GUCY1A1: variants seen among roughly 807,000 people sequenced by gnomAD.
GUCY1A1 encodes guanylate cyclase soluble subunit alpha-1.
Under a neutral mutation model 64.5 loss-of-function variants are expected in GUCY1A1, and 48 were observed. The observed-to-expected ratio is 0.74, with a 90% CI of 0.59 to 0.95. GUCY1A1 has a LOEUF of 0.95. GUCY1A1 is among the 40% of genes least tolerant of loss of function. The probability of loss-of-function intolerance (pLI) is 0.00; values close to 1 mark genes in which losing one functional copy is unlikely to be tolerated. For synonymous variants in GUCY1A1, 308 were observed against 303.4 expected (o/e 1.02, Z -0.16); for missense variants, 804 against 825.3 (o/e 0.97, Z 0.32).
In GUCY1A1 at chr4:155,711,036, A is replaced by C; in HGVS notation, c.871A>C (p.Met291Leu). 1 of 1,614,008 alleles carries C rather than the reference A, an allele frequency of 6.2e-7. No homozygotes were observed. Among genetic ancestry groups the C allele is most frequent in the East Asian group, 2.2e-5 (1 of 44,872 alleles). The stretch of plus-strand genomic sequence containing the variant: ...CTGCAAGACATTTCCATTCCATTTC[A>C]TGTTTGACAAAGATATGACAATTCT... ...LFCKTFPFHFMFDKDMTILQF... is the reference protein window; with the variant it reads ...LFCKTFPFHFLFDKDMTILQF... Residue 291 changes from methionine (M) to leucine (L), a missense_variant, in exon 6 of 10, where the codon ATG (methionine) becomes CTG (leucine). Physicochemically the swap from Met to Leu is conservative, Grantham distance 15 (BLOSUM62 2). Coordinates refer to ENST00000506455, the MANE Select transcript of GUCY1A1 (RefSeq NM_001130682.3).
At chr4:155,695,446 T>C (rs1730289990) in intron 2 of GUCY1A1, among the ~76,000 whole-genome samples, 1 of 152,250 alleles carries the variant, frequency 6.6e-6, no homozygotes. Flanking sequence ...CAGGAAATTA[T>C]GTTCCTCACT....
chr4:155,734,141 A>G lies in GUCY1A1; in HGVS notation c.*3910A>G, dbSNP rs2110845049. On this transcript the variant is annotated 3_prime_UTR_variant, in exon 10 of 10. Coordinates refer to ENST00000506455, the MANE Select transcript of GUCY1A1 (RefSeq NM_001130682.3). ...CTCAGGTTAGGTTAAAAGAAGGCAT[A>G]GGATGGAAGAGGGTGGTCTGTGGTA... Among the ~76,000 whole-genome samples, 1 of 152,082 alleles carries G rather than the reference A, an allele frequency of 6.6e-6. No individual in the cohort carries two copies. The highest frequency in any genetic ancestry group is 1.9e-4 in the East Asian group (1 of 5,150).
rs758409985 is a variant in GUCY1A1 at position 155,710,895 on chromosome 4, T to G, written c.730T>G (p.Cys244Gly). 5.0e-6 allele frequency: 8 copies of G among 1,613,728 alleles called. No homozygotes were observed. The highest frequency in any genetic ancestry group is 1.7e-5 in the Admixed American group (1 of 60,000). The change falls in exon 6 of 10, where the codon TGC becomes GGC. Residue 244 changes from cysteine (C) to glycine (G), a missense_variant. By Grantham distance (159) the Cys-to-Gly change is radical. Transcript: ENST00000506455. ...SLMPPCFHND[C>G]SEFVNQPYLL... ...AATGCCTCCCTGCTTCCATAATGATTGCAGCGAGTTTGTGAATCAGCCCTA... is the reference window on the plus strand; with the variant it reads ...AATGCCTCCCTGCTTCCATAATGATGGCAGCGAGTTTGTGAATCAGCCCTA...
intron 2 of GUCY1A1, among the ~76,000 whole-genome samples, chr4:155,669,346 G>C (rs914088688): frequency 6.6e-6 from 1 of 151,822 alleles, no homozygotes; most frequent in Non-Finnish European, 1.5e-5. Context: ...AAAATATAAA[G>C]TACTTATGCT....
intron 2 of GUCY1A1, among the ~76,000 whole-genome samples, chr4:155,676,305 T>TTG (rs1734931957): frequency 1.3e-5 from 2 of 150,290 alleles, no homozygotes; most frequent in African/African-American, 5.0e-5. Flanking sequence ...AGCTGGTTTT[T>TTG]TTTTTTTTTT....
intron 2 of GUCY1A1, among the ~76,000 whole-genome samples, chr4:155,680,574 C>T (rs1735591349): frequency 2.0e-5 from 3 of 151,998 alleles, no homozygotes; most frequent in Admixed American, 2.0e-4. Flanking sequence ...GTTTTGACTC[C>T]TCAAAAACTT....
At chr4:155,689,701 C>A (rs1423748840) in intron 2 of GUCY1A1, among the ~76,000 whole-genome samples, 3 of 152,198 alleles carry the variant, frequency 2.0e-5, no homozygotes, top group African/African-American at 7.2e-5. Context: ...TTGCACTCAT[C>A]TTATTTTAAA....
At chr4:155,719,625 A>G (rs1042703009) in intron 8 of GUCY1A1, among the ~76,000 whole-genome samples, 2 of 152,172 alleles carry the variant, frequency 1.3e-5, no homozygotes, top group Admixed American at 1.3e-4. Flanking sequence ...AGCACGTCAC[A>G]TGTGCAAATC....
Position 155,683,224 on chromosome 4 carries a change from A to G in GUCY1A1, c.-112-13532A>G, listed in dbSNP as rs183338365. Among the ~76,000 whole-genome samples, 202 of 152,352 alleles carry G rather than the reference A, an allele frequency of 1.3e-3. 1 individual carries two copies. Among genetic ancestry groups the G allele is most frequent in the African/African-American group, 4.6e-3 (193 of 41,590 alleles). On this transcript the variant is annotated intron_variant, in intron 2 of 9. Coordinates refer to ENST00000506455, the MANE Select transcript of GUCY1A1 (RefSeq NM_001130682.3). ...CACTTTTTCTGAAAAAAGTTGAAAA[A>G]CAACACTAATAATAAGTAAAATAGA...
chr4:155,680,983 G>C (rs971001239), intron 2 of GUCY1A1, among the ~76,000 whole-genome samples: 1 of 151,056 alleles, frequency 6.6e-6, no homozygotes, highest in Non-Finnish European at 1.5e-5. Flanking sequence ...ACACACACAC[G>C]TGCACATAAA....
chr4:155,693,961 C>A (rs1167175489), intron 2 of GUCY1A1, among the ~76,000 whole-genome samples: 6 of 152,182 alleles, frequency 3.9e-5, no homozygotes, highest in Admixed American at 1.3e-4. Context: ...CTTCTAAGTC[C>A]AATACTAAAA....
chr4:155,729,133 T>A (rs2110751022), intron 9 of GUCY1A1, among the ~76,000 whole-genome samples: 1 of 151,920 alleles, frequency 6.6e-6, no homozygotes, highest in Middle Eastern at 3.4e-3. Flanking sequence ...AATGTAGACA[T>A]GACATTACAG....
chr4:155,676,120 C>G (rs1004454766), intron 2 of GUCY1A1, among the ~76,000 whole-genome samples: 4 of 149,352 alleles, frequency 2.7e-5, no homozygotes, highest in Admixed American at 1.3e-4. Flanking sequence ...TGCCTTCAAT[C>G]AAGAGCATGA....
At chr4:155,690,817 G>T (rs1464489732) in intron 2 of GUCY1A1, among the ~76,000 whole-genome samples, 2 of 152,170 alleles carry the variant, frequency 1.3e-5, no homozygotes, top group Non-Finnish European at 2.9e-5. Context: ...TTTCCTCCTG[G>T]ATTGTAAGTT....
At chr4:155,704,284 T>C (rs1339061737) in intron 4 of GUCY1A1, among the ~76,000 whole-genome samples, 1 of 152,234 alleles carries the variant, frequency 6.6e-6, no homozygotes, top group African/African-American at 2.4e-5. Flanking sequence ...ATTTTAAGCA[T>C]GTAGTTATAA....
intron 3 of GUCY1A1, among the ~76,000 whole-genome samples, chr4:155,703,533 C>T (rs925120949): frequency 5.3e-5 from 8 of 152,122 alleles, no homozygotes; most frequent in Non-Finnish European, 1.0e-4. Context: ...ATTGGCCGCC[C>T]GTCCAGAGGG....
chr4:155,690,929 A>G (rs1729655087), intron 2 of GUCY1A1, among the ~76,000 whole-genome samples: 1 of 152,240 alleles, frequency 6.6e-6, no homozygotes, highest in Admixed American at 6.5e-5. Flanking sequence ...GAATAGGAAG[A>G]AAAATGAACA....
chr4:155,696,306 G>T (rs1303510552), intron 2 of GUCY1A1, among the ~76,000 whole-genome samples: 1 of 151,718 alleles, frequency 6.6e-6, no homozygotes, highest in Non-Finnish European at 1.5e-5. Flanking sequence ...TTTTGCTTTA[G>T]GTATTTTTGG....
rs1283926442 is a variant in GUCY1A1, at chr4:155,711,165, A to G, written c.1000A>G (p.Thr334Ala). The G allele has an allele frequency of 6.2e-7, 1 of 1,613,852 alleles. No homozygotes were observed. Among genetic ancestry groups the G allele is most frequent in the Admixed American group, 1.7e-5 (1 of 60,028 alleles). ...AATTCTGACTCCAAAAATCAACCAG[A>G]CGTTTAGCGGGATCATGACTATGTT... ...FEILTPKINQ[T>A]FSGIMTMLNM... Residue 334 changes from threonine to alanine, a missense_variant, in exon 6 of 10, where the codon ACG (threonine) becomes GCG (alanine). Thr to Ala is a moderately conservative substitution (Grantham distance 58). Transcript: ENST00000506455.
Sources: allele counts gnomAD v4.1 joint callset (sites outside exome capture counted in the v4.1 genomes callset), GRCh38; gene constraint gnomAD v4.1.1; transcripts MANE v1.5; gene names NCBI Gene and HGNC (gene_info 2026-07-23, HGNC 2026-07-21).